TMEM182: variants seen among roughly 807,000 people sequenced by gnomAD.
The protein encoded by TMEM182 is transmembrane protein 182.
Under a neutral mutation model 26.8 loss-of-function variants are expected in TMEM182, and 20 were observed. The observed-to-expected ratio is 0.75, with a 90% confidence interval of 0.53 to 1.09. TMEM182 has a LOEUF of 1.09. TMEM182 is among the 50% of genes least tolerant of loss of function. The probability of loss-of-function intolerance (pLI) is 0.00; values close to 1 mark genes in which losing one functional copy is unlikely to be tolerated. For missense variants in TMEM182, 277 were observed against 275.5 expected, an observed-to-expected ratio of 1.01 and a Z score of -0.04; for synonymous variants, 109 against 102.2, an observed-to-expected ratio of 1.07 and a Z score of -0.40.
intron 1 of TMEM182, among the ~76,000 whole-genome samples, chr2:102,737,362 T>C (rs1679384504): frequency 6.6e-6 from 1 of 152,202 alleles, no homozygotes; most frequent in Non-Finnish European, 1.5e-5. Context: ...CCATAGATGG[T>C]CTATGCCTGA....
intron 4 of TMEM182, among the ~76,000 whole-genome samples, chr2:102,801,447 A>T (rs528012698): frequency 2.6e-5 from 4 of 152,202 alleles, no homozygotes; most frequent in Admixed American, 6.5e-5. Flanking sequence ...CAGAACAAAG[A>T]CAGTTAATCA....
At chr2:102,748,327 G>A (rs1679777484) in intron 1 of TMEM182, among the ~76,000 whole-genome samples, 1 of 152,186 alleles carries the variant, frequency 6.6e-6, no homozygotes, top group African/African-American at 2.4e-5. Flanking sequence ...CCTGTGAGTG[G>A]CCCTCTCACT....
chr2:102,810,903 C>G (rs1335037807), intron 4 of TMEM182, among the ~76,000 whole-genome samples: 1 of 151,832 alleles, frequency 6.6e-6, no homozygotes, highest in Non-Finnish European at 1.5e-5. Context: ...CATTGTTATT[C>G]AAGCCAGTTA....
chr2:102,831,432 C>T (rs962948528), intron 3 of TMEM182, among the ~76,000 whole-genome samples: 3 of 152,122 alleles, frequency 2.0e-5, no homozygotes, highest in East Asian at 1.9e-4. Flanking sequence ...CATACACGAC[C>T]GATGTGTTAA....
rs184452177 is a variant in TMEM182 at position 102,772,667 on chromosome 2, T to G, written c.331+8240T>G. On this transcript the variant is annotated intron_variant, in intron 3 of 4. Coordinates refer to ENST00000412401, the MANE Select transcript of TMEM182 (RefSeq NM_144632.5). The stretch of plus-strand genomic sequence containing the variant: ...CCTTCATCACCTGGTGCCATCACTT[T>G]GTCTTAAGAACACTCGGGCAGGCTT... 3.3e-5 allele frequency among the ~76,000 whole-genome samples: 5 copies of G among 152,332 alleles called. No homozygotes were observed. In the East Asian group the frequency reaches 9.6e-4, roughly 29 times the overall value.
intron 3 of TMEM182, among the ~76,000 whole-genome samples, chr2:102,767,512 C>G (rs1680500983): frequency 6.6e-6 from 1 of 152,176 alleles, no homozygotes; most frequent in Non-Finnish European, 1.5e-5. Context: ...ATTTTCAAGA[C>G]AATTCAACCC....
rs1682712878 is a variant in TMEM182 at position 102,815,537 on chromosome 2, T to C, written c.*569T>C. 1.0e-6 allele frequency: 1 copy of C among 985,764 alleles called. No individual in the cohort carries two copies. The highest frequency in any genetic ancestry group is 1.1e-4 in the East Asian group (1 of 8,824). The allele number at this position is 985,764 out of a possible 1,614,324, so 61.1% of individuals were successfully genotyped here. A position where few individuals can be genotyped will look rare whatever the true frequency, so the allele number is the denominator to read the frequency against. On this transcript the variant is annotated 3_prime_UTR_variant, in exon 5 of 5. Transcript: ENST00000412401. ...TAAAATGGGCCACAACAAACAAGAC[T>C]GAGAGCATGTACTTATCTTGCTTTT...
intron 2 of TMEM182, 143 bp from the exon 3 acceptor site, chr2:102,764,186 C>G: frequency 1.3e-6 from 1 of 762,824 alleles, no homozygotes. Flanking sequence ...TTCCTCCTCA[C>G]AACAATTCGC....
chr2:102,824,459 C>G (rs1192127646), intron 3 of TMEM182, among the ~76,000 whole-genome samples: 2 of 152,086 alleles, frequency 1.3e-5, no homozygotes, highest in Admixed American at 1.3e-4. Flanking sequence ...AGTGAGTTCT[C>G]TCAAGATTTG....
At chr2:102,800,169 C>T (rs950474754) in intron 4 of TMEM182, among the ~76,000 whole-genome samples, 1 of 152,148 alleles carries the variant, frequency 6.6e-6, no homozygotes. Flanking sequence ...ATACAACCTA[C>T]CATTTTGATG....
At chr2:102,794,952 T>G (rs572995917) in intron 3 of TMEM182, among the ~76,000 whole-genome samples, 1 of 152,320 alleles carries the variant, frequency 6.6e-6, no homozygotes, top group South Asian at 2.1e-4. Flanking sequence ...CTGATATTGT[T>G]CCACAAGCCT....
At chr2:102,747,183 G>A (rs1679725210) in intron 1 of TMEM182, among the ~76,000 whole-genome samples, 1 of 152,122 alleles carries the variant, frequency 6.6e-6, no homozygotes, top group Non-Finnish European at 1.5e-5. Context: ...TTAACATGAT[G>A]CATAGGACGG....
At chr2:102,829,266 A>G (rs1350201306) in intron 3 of TMEM182, among the ~76,000 whole-genome samples, 2 of 152,098 alleles carry the variant, frequency 1.3e-5, no homozygotes, top group Admixed American at 6.5e-5. Flanking sequence ...GGCTCTTGGT[A>G]TAGTTTCTAG....
chr2:102,753,154 T>C (rs1679924717), intron 1 of TMEM182, among the ~76,000 whole-genome samples: 1 of 152,088 alleles, frequency 6.6e-6, no homozygotes, highest in South Asian at 2.1e-4. Flanking sequence ...GTGTGCTTAT[T>C]GCATTTGAAG....
chr2:102,835,871 C>T (rs1176723629), intron 3 of TMEM182, among the ~76,000 whole-genome samples: 3 of 138,204 alleles, frequency 2.2e-5, no homozygotes, highest in Non-Finnish European at 3.1e-5. Context: ...CAACAGGCCC[C>T]GGTGTGTGAT....
rs1196099635 is a variant in TMEM182 at position 102,816,671 on chromosome 2, T to C, written c.*1703T>C. On this transcript the variant is annotated 3_prime_UTR_variant, in exon 5 of 5. Transcript: ENST00000412401. ...ATTGCTTCATTTACTTCTTTGCTTTTGGCTTTGTTATTAGAAAAAATAATT... is the reference window on the plus strand; with the variant it reads ...ATTGCTTCATTTACTTCTTTGCTTTCGGCTTTGTTATTAGAAAAAATAATT... 1.0e-6 allele frequency: 1 copy of C among 985,666 alleles called. No individual in the cohort carries two copies. The highest frequency in any genetic ancestry group is 1.2e-6 in the Non-Finnish European group (1 of 829,918). The allele number at this position is 985,666 out of a possible 1,614,324, so 61.1% of individuals were successfully genotyped here.
Position 102,817,431 on chromosome 2 carries a change from A to G in TMEM182, c.*2463A>G, listed in dbSNP as rs1465581737. The G allele has an allele frequency of 3.0e-6, 3 of 985,282 alleles. No homozygotes were observed. The highest frequency in any genetic ancestry group is 1.7e-5 in the African/African-American group (1 of 57,220). The allele number at this position is 985,282 out of a possible 1,614,324, so 61.0% of individuals were successfully genotyped here. A position where few individuals can be genotyped will look rare whatever the true frequency, so the allele number is the denominator to read the frequency against. On this transcript the variant is annotated 3_prime_UTR_variant, in exon 5 of 5. Coordinates refer to ENST00000412401, the MANE Select transcript of TMEM182 (RefSeq NM_144632.5). ...ACTTGGTGAAAGCTATCATCTCTCC[A>G]TATTGTATTTGTTCAGCTGGTTTAA...
chr2:102,764,195 G>T, intron 2 of TMEM182, 134 bp from the exon 3 acceptor site: 1 of 800,908 alleles, frequency 1.2e-6, no homozygotes. Flanking sequence ...ACAACAATTC[G>T]CTGAATTTGC....
In TMEM182 at chr2:102,781,731, AAATCT is replaced by A. The variant is rs1200249110; in HGVS notation, c.332-16127_332-16123del. On this transcript the variant is annotated intron_variant, in intron 3 of 4. Coordinates refer to ENST00000412401, the MANE Select transcript of TMEM182 (RefSeq NM_144632.5). ...TGAGAAGTAGAGGAAGGCGCAACCG[AAATCT>A]AATCCTTGGATTTAGTAGGTTGTCC... 2.0e-5 allele frequency among the ~76,000 whole-genome samples: 3 copies of A among 152,202 alleles called. No homozygotes were observed. In the East Asian group the frequency reaches 5.8e-4, roughly 29 times the overall value.
Sources: gnomAD v4.1 joint callset for allele counts (sites outside exome capture counted in the v4.1 genomes callset) on GRCh38, gnomAD v4.1.1 for gene constraint, MANE v1.5 for transcripts, NCBI Gene and HGNC (gene_info 2026-07-23, HGNC 2026-07-21) for gene names.